Variants in MEI4 observed in about 807,000 individuals in gnomAD.
MEI4 encodes the protein meiotic double-stranded break formation protein 4, also known as meiosis-specific protein MEI4.
A neutral mutation model predicts 31.4 loss-of-function variants in MEI4; 27 were observed. That is an observed-to-expected ratio of 0.86 (90% CI 0.63 to 1.19). MEI4 has a LOEUF of 1.19. Ranked by LOEUF, MEI4 falls within the 50% of genes most tolerant of loss-of-function variation. The pLI, the probability that MEI4 is intolerant of heterozygous loss-of-function variation, is 0.00. For synonymous variants in MEI4, 122 were observed against 145.4 expected (o/e 0.84, Z 1.16); for missense variants, 329 against 398.9 (o/e 0.82, Z 1.49).
chr6:77,855,404 T>C (rs1177081595), intron 4 of MEI4, among the ~76,000 whole-genome samples: 3 of 152,180 alleles, frequency 2.0e-5, no homozygotes, highest in Non-Finnish European at 4.4e-5. Context: ...GAAGATCTAT[T>C]ACTTTAGTTC....
At chr6:77,870,896 G>A (rs1771174748) in intron 4 of MEI4, among the ~76,000 whole-genome samples, 1 of 152,142 alleles carries the variant, frequency 6.6e-6, no homozygotes, top group Non-Finnish European at 1.5e-5. Flanking sequence ...AAGTACAGTT[G>A]TTTTAGATTA....
chr6:77,753,987 A>C (rs1388820736), intron 2 of MEI4, among the ~76,000 whole-genome samples: 1 of 152,184 alleles, frequency 6.6e-6, no homozygotes, highest in Non-Finnish European at 1.5e-5. Context: ...CTTTCTCAGC[A>C]AACTAACACA....
intron 2 of MEI4, among the ~76,000 whole-genome samples, chr6:77,736,242 C>T (rs1263732177): frequency 6.6e-6 from 1 of 151,984 alleles, no homozygotes; most frequent in Non-Finnish European, 1.5e-5. Context: ...ACCTTGCTGC[C>T]CCCTTGCAGT....
rs957788045 is a variant in MEI4 at position 77,799,229 on chromosome 6, T to G, written c.769-29702T>G. 5.3e-5 allele frequency among the ~76,000 whole-genome samples: 8 copies of G among 152,312 alleles called. No homozygotes were observed. In the East Asian group the frequency reaches 1.5e-3, roughly 29 times the overall value. ...ATCTCATTGTGGTTTTGATTTGCAT[T>G]TCTCTGATGGCCAGTGATGGTGAGC... On this transcript the variant is annotated intron_variant, in intron 3 of 4. Coordinates refer to ENST00000684080, the MANE Select transcript of MEI4 (RefSeq NM_001322247.2).
chr6:77,841,199 A>T (rs564072487), intron 4 of MEI4, among the ~76,000 whole-genome samples: 1 of 151,230 alleles, frequency 6.6e-6, no homozygotes, highest in Non-Finnish European at 1.5e-5. Flanking sequence ...GATGCAATGT[A>T]TATGATAACT....
At chr6:77,900,874 A>T (rs1012533741) in intron 4 of MEI4, among the ~76,000 whole-genome samples, 1 of 151,894 alleles carries the variant, frequency 6.6e-6, no homozygotes, top group Admixed American at 6.6e-5. Flanking sequence ...CAGTACCCTT[A>T]TTCCTCGGTC....
intron 4 of MEI4, among the ~76,000 whole-genome samples, chr6:77,864,986 G>A (rs1000977042): frequency 1.3e-5 from 2 of 152,098 alleles, no homozygotes; most frequent in East Asian, 1.9e-4. Flanking sequence ...TGACTACTGG[G>A]TACATAATGA....
intron 2 of MEI4, among the ~76,000 whole-genome samples, chr6:77,742,721 C>T (rs1431534476): frequency 1.3e-5 from 2 of 152,080 alleles, no homozygotes; most frequent in Non-Finnish European, 2.9e-5. Flanking sequence ...ATGGTAATGC[C>T]TAGGTTTTCT....
chr6:77,898,944 G>A (rs1040953015), intron 4 of MEI4, among the ~76,000 whole-genome samples: 13 of 152,162 alleles, frequency 8.5e-5, no homozygotes, highest in Middle Eastern at 3.4e-3. Context: ...AGAAATGGAA[G>A]AAGGGAACTC....
At chr6:77,824,475 C>T (rs542150596) in intron 3 of MEI4, among the ~76,000 whole-genome samples, 2 of 152,088 alleles carry the variant, frequency 1.3e-5, no homozygotes, top group East Asian at 3.9e-4. Context: ...TTCTTATGGT[C>T]TCATGGTTAG....
chr6:77,709,394 C>T (rs1249523734), intron 2 of MEI4, among the ~76,000 whole-genome samples: 1 of 152,124 alleles, frequency 6.6e-6, no homozygotes, highest in Non-Finnish European at 1.5e-5. Flanking sequence ...TGTTTCTGGG[C>T]TTGATATTTA....
intron 3 of MEI4, among the ~76,000 whole-genome samples, chr6:77,800,564 T>C (rs2127700100): frequency 6.6e-6 from 1 of 152,368 alleles, no homozygotes; most frequent in East Asian, 1.9e-4. Flanking sequence ...ATCCCTGTCT[T>C]GTGCCAGTTT....
At chr6:77,679,045 C>T (rs1412892694) in intron 1 of MEI4, among the ~76,000 whole-genome samples, 2 of 151,390 alleles carry the variant, frequency 1.3e-5, no homozygotes, top group African/African-American at 4.9e-5. Context: ...TATATGTTTC[C>T]AAGCTAAGTG....
At chr6:77,823,547 C>T (rs894441152) in intron 3 of MEI4, among the ~76,000 whole-genome samples, 2 of 152,146 alleles carry the variant, frequency 1.3e-5, no homozygotes, top group African/African-American at 4.8e-5. Flanking sequence ...ATGGTTGATA[C>T]TGCTAGATGT....
chr6:77,669,892 C>A (rs1768707037), intron 1 of MEI4, among the ~76,000 whole-genome samples: 1 of 152,168 alleles, frequency 6.6e-6, no homozygotes, highest in Non-Finnish European at 1.5e-5. Flanking sequence ...TGTCTGACTT[C>A]ACAACTGGAA....
chr6:77,780,290 A>G (rs1323613623), intron 3 of MEI4, among the ~76,000 whole-genome samples: 2 of 152,200 alleles, frequency 1.3e-5, no homozygotes, highest in Middle Eastern at 3.2e-3. Context: ...TTGTTTACAC[A>G]TGTGATCCTA....
At chr6:77,681,950 T>C (rs920031967) in intron 1 of MEI4, among the ~76,000 whole-genome samples, 4 of 152,306 alleles carry the variant, frequency 2.6e-5, no homozygotes, top group African/African-American at 9.6e-5. Context: ...AAATTTCATA[T>C]GACATTAATT....
At chr6:77,834,138 C>G (rs1476946472) in intron 4 of MEI4, among the ~76,000 whole-genome samples, 2 of 152,070 alleles carry the variant, frequency 1.3e-5, no homozygotes, top group African/African-American at 4.8e-5. Flanking sequence ...GCTTCATCTT[C>G]CTTCTTCTAA....
intron 2 of MEI4, among the ~76,000 whole-genome samples, chr6:77,747,815 C>T (rs1052061677): frequency 1.3e-5 from 2 of 152,170 alleles, no homozygotes; most frequent in African/African-American, 4.8e-5. Context: ...AAGGCAAGTC[C>T]CTTTTACCTA....
Sources: gnomAD v4.1 joint callset for allele counts (sites outside exome capture counted in the v4.1 genomes callset) on GRCh38, gnomAD v4.1.1 for gene constraint, MANE v1.5 for transcripts, NCBI Gene and HGNC (gene_info 2026-07-23, HGNC 2026-07-21) for gene names.